TOP2A: variants seen among roughly 807,000 people sequenced by gnomAD.
TOP2A encodes the protein DNA topoisomerase II alpha, also known as DNA topoisomerase 2-alpha.
A neutral mutation model predicts 187.2 loss-of-function variants in TOP2A; 68 were observed. The observed-to-expected ratio is 0.36, with a 90% CI of 0.30 to 0.44. The LOEUF is 0.44. TOP2A is among the 20% of genes least tolerant of loss of function. TOP2A has a pLI of 1.00. For missense variants in TOP2A, 1,196 were observed against 1,808.7 expected (o/e 0.66, Z 6.14); for synonymous variants, 542 against 593.2 (o/e 0.91, Z 1.25).
chr17:40,410,192 G>C (rs901441795), intron 10 of TOP2A: 9 of 181,510 alleles, frequency 5.0e-5, no homozygotes, highest in African/African-American at 2.2e-4. Flanking sequence ...ACCAACTTAG[G>C]TGGGGGGAAG....
intron 29 of TOP2A, among the ~76,000 whole-genome samples, chr17:40,394,221 A>T (rs182541073): frequency 6.8e-6 from 1 of 146,804 alleles, no homozygotes; most frequent in African/African-American, 2.6e-5. Context: ...GTGGTCACCC[A>T]GTGGAGAGGA....
At chr17:40,405,122 T>C (rs555346297) in intron 16 of TOP2A, among the ~76,000 whole-genome samples, 34 of 151,714 alleles carry the variant, frequency 2.2e-4, no homozygotes, top group African/African-American at 7.7e-4. Flanking sequence ...CCTGAGCCCC[T>C]GGGATTAAAG....
At chr17:40,391,803 T>C (rs1447771810) in intron 32 of TOP2A, 163 bp from the exon 33 acceptor site, 2 of 926,500 alleles carry the variant, frequency 2.2e-6, no homozygotes, top group African/African-American at 1.7e-5. Flanking sequence ...TCTGAATTTT[T>C]TATCAGCAAG....
chr17:40,395,028 TAA>T (rs1210675544), intron 29 of TOP2A, among the ~76,000 whole-genome samples: 1 of 152,222 alleles, frequency 6.6e-6, no homozygotes, highest in African/African-American at 2.4e-5. Flanking sequence ...CTCACGCCTG[TAA>T]TCCCAGCACT....
intron 29 of TOP2A, 82 bp downstream of exon 29, chr17:40,395,367 T>G (rs977871842): frequency 2.5e-6 from 2 of 810,266 alleles, no homozygotes; most frequent in Admixed American, 6.3e-5. Flanking sequence ...AAAAAGGTTT[T>G]GAACATCTAT....
intron 26 of TOP2A, 44 bp downstream of exon 26, chr17:40,398,729 T>C (rs1413920311): frequency 1.2e-6 from 2 of 1,605,114 alleles, no homozygotes; most frequent in Non-Finnish European, 8.5e-7. Context: ...ACCATTAGAA[T>C]AGAACAAAAC....
chr17:40,416,464 T>G lies in TOP2A; in HGVS notation c.226A>C (p.Thr76Pro). The change falls in exon 3 of 35, where the codon ACT becomes CCT. Residue 76 changes from threonine to proline, a missense_variant. Around this residue, in one of 10 missense-constraint regions of TOP2A, gnomAD observed 97 missense variants for 171.0 expected, o/e 0.57. Coordinates refer to ENST00000423485, the MANE Select transcript of TOP2A (RefSeq NM_001067.4). Reference sequence around the variant, plus strand: ...ATTTTGTACAAACCAGGAACAAAAGTGACTTCCCTATAGTTAATGCCAACA... The same window carrying G: ...ATTTTGTACAAACCAGGAACAAAAGGGACTTCCCTATAGTTAATGCCAACA... ...EDVGINYREV[T>P]FVPGLYKIFD... The G allele has an allele frequency of 1.2e-6, 2 of 1,604,612 alleles. No individual in the cohort carries two copies. The highest frequency in any genetic ancestry group is 1.1e-5 in the South Asian group (1 of 89,490).
chr17:40,390,134 T>C lies in TOP2A; in HGVS notation c.4298A>G (p.Lys1433Arg), dbSNP rs2035004069. The change falls in exon 34 of 35, where the codon AAA (lysine) becomes AGA (arginine). Residue 1433 changes from lysine to arginine, a missense_variant. Physicochemically the swap from Lys to Arg is conservative, Grantham distance 26 (BLOSUM62 2). Transcript: ENST00000423485. ...SQSSTSTTGA[K>R]KRAAPKGTKR... Reference sequence around the variant, plus strand: ...AGTTCCTTTTGGGGCAGCCCTTTTTTTGGCACCGGTAGTGGAGGTGGAAGA... The same window carrying C: ...AGTTCCTTTTGGGGCAGCCCTTTTTCTGGCACCGGTAGTGGAGGTGGAAGA... The C allele has an allele frequency of 1.9e-6, 3 of 1,613,252 alleles. No homozygotes were observed. The African/African-American group carries it at 4.0e-5, about 22-fold the overall frequency.
Position 40,389,288 on chromosome 17 carries a change from A to C in TOP2A, c.*231T>G. ...AGGTTTTAAAGACAAAAGAAAGCAG[A>C]CTCAAAACACAGACAAAGCAGAGAA... On this transcript the variant is annotated 3_prime_UTR_variant, in exon 35 of 35. Transcript: ENST00000423485. 1 of 390,154 alleles carries C rather than the reference A, an allele frequency of 2.6e-6. No homozygotes were observed. Among genetic ancestry groups the C allele is most frequent in the Non-Finnish European group, 4.6e-6 (1 of 219,424 alleles). 24.2% of individuals were successfully genotyped at this position (390,154 alleles called of 1,614,324 possible).
At chr17:40,398,280 T>A (rs2035128205) in intron 27 of TOP2A, among the ~76,000 whole-genome samples, 1 of 151,846 alleles carries the variant, frequency 6.6e-6, no homozygotes, top group Non-Finnish European at 1.5e-5. Context: ...ATTTTTGTGT[T>A]TTTAGTAGAA....
chr17:40,415,948 T>C, intron 4 of TOP2A, 57 bp downstream of exon 4: 1 of 1,210,376 alleles, frequency 8.3e-7, no homozygotes, highest in Non-Finnish European at 1.2e-6. Context: ...GTAATCAAAA[T>C]ACATGCAGCT....
rs1486743137 is a variant in TOP2A, at chr17:40,408,628, G to A, written c.1206C>T (p.Ala402=). 1 of 1,613,686 alleles carries A rather than the reference G, an allele frequency of 6.2e-7. No homozygotes were observed. The highest frequency in any genetic ancestry group is 1.7e-5 in the Admixed American group (1 of 60,016). The change falls in exon 11 of 35, where the codon GCC becomes GCT. Residue 402 remains alanine, a splice_region_variant and synonymous_variant. Transcript: ENST00000423485. The stretch of plus-strand genomic sequence containing the variant: ...TGCTTTCTACAATACCACAGCCAAT[G>A]GCCTGAAAACGAGAAGATTCATATT... ...CQLSEKFIKA[A]IGCGIVESIL... is the part of the protein sequence containing the mutation.
Position 40,395,666 on chromosome 17 carries a change from T to C in TOP2A, c.3721-127A>G, listed in dbSNP as rs562841367. The C allele has an allele frequency of 1.2e-4, 67 of 541,388 alleles. No homozygotes were observed. The East Asian group carries it at 2.3e-3, about 19-fold the overall frequency. 33.5% of individuals were successfully genotyped at this position (541,388 alleles called of 1,614,324 possible). A position where few individuals can be genotyped will look rare whatever the true frequency, so the allele number is the denominator to read the frequency against. Reference sequence around the variant, plus strand: ...ATCCCAGCACTTTGGGAGGCCGTGGTGGGCAGATCTCTTGAGGTCAGGAGT... The same window carrying C: ...ATCCCAGCACTTTGGGAGGCCGTGGCGGGCAGATCTCTTGAGGTCAGGAGT... On this transcript the variant is annotated intron_variant, in intron 28 of 34. Transcript: ENST00000423485.
At chr17:40,397,039 T>C (rs964988405) in intron 27 of TOP2A, among the ~76,000 whole-genome samples, 1 of 151,766 alleles carries the variant, frequency 6.6e-6, no homozygotes, top group Non-Finnish European at 1.5e-5. Flanking sequence ...CACACCACCA[T>C]GCCTGGCTAT....
intron 15 of TOP2A, 31 bp downstream of exon 15, chr17:40,406,553 T>C: frequency 6.2e-7 from 1 of 1,604,442 alleles, no homozygotes; most frequent in Non-Finnish European, 8.5e-7. Flanking sequence ...TATAATAAAA[T>C]GAGAAGTTCT....
At chr17:40,395,749 A>G (rs2035088381) in intron 28 of TOP2A, among the ~76,000 whole-genome samples, 1 of 152,006 alleles carries the variant, frequency 6.6e-6, no homozygotes, top group African/African-American at 2.4e-5. Flanking sequence ...TACAAAAATT[A>G]GCTGGGTGTG....
chr17:40,393,892 C>A (rs886878321), intron 29 of TOP2A, among the ~76,000 whole-genome samples: 11 of 151,930 alleles, frequency 7.2e-5, no homozygotes, highest in Non-Finnish European at 1.3e-4. Flanking sequence ...CCTGTTTCTA[C>A]TAAAAATACA....
intron 30 of TOP2A, 42 bp from the exon 31 acceptor site, chr17:40,392,383 A>G (rs1404994465): frequency 6.4e-7 from 1 of 1,556,036 alleles, no homozygotes; most frequent in South Asian, 1.2e-5. Context: ...AGAGGGTAGT[A>G]GGAGAAACAA....
intron 27 of TOP2A, among the ~76,000 whole-genome samples, chr17:40,397,406 C>G (rs2035114975): frequency 6.6e-6 from 1 of 151,780 alleles, no homozygotes; most frequent in Admixed American, 6.6e-5. Flanking sequence ...TTGCCTCAAC[C>G]TCCTGAGTAG....
Sources: gnomAD v4.1 joint callset for allele counts (sites outside exome capture counted in the v4.1 genomes callset) on GRCh38, gnomAD v4.1.1 for gene constraint, gnomAD v4.1.1 regional missense constraint, MANE v1.5 for transcripts, NCBI Gene and HGNC (gene_info 2026-07-23, HGNC 2026-07-21) for gene names.